CLCN5: variants seen among roughly 807,000 people sequenced by gnomAD.
CLCN5 encodes Cl-/H+ antiporter 5, also known as H(+)/Cl(-) exchange transporter 5.
CLCN5 carries 17 observed loss-of-function variants against 54.0 expected under a neutral mutation model. The observed-to-expected ratio is 0.31, with a 90% confidence interval of 0.22 to 0.47. The LOEUF is 0.47. Ranked by LOEUF, CLCN5 falls within the 20% of genes least tolerant of loss-of-function variation. The probability of loss-of-function intolerance (pLI) is 1.00; values close to 1 mark genes in which losing one functional copy is unlikely to be tolerated. For synonymous variants in CLCN5, 222 were observed against 233.0 expected (o/e 0.95, Z 0.43); for missense variants, 448 against 646.7 (o/e 0.69, Z 3.33).
chrX:49,962,968 G>T (rs1927675899), intron 3 of CLCN5, among the ~76,000 whole-genome samples: 1 of 111,772 alleles, frequency 8.9e-6, no homozygotes, highest in Admixed American at 9.5e-5. Flanking sequence ...ATACATGGTG[G>T]TAAAAGGGGT....
chrX:49,949,919 G>C (rs1926953618), intron 3 of CLCN5, among the ~76,000 whole-genome samples: 1 of 111,904 alleles, frequency 8.9e-6, no homozygotes. Context: ...AAAATTGAAT[G>C]ATCTTAGGTG....
intron 3 of CLCN5, among the ~76,000 whole-genome samples, chrX:50,030,775 A>T (rs782088112): frequency 1.8e-5 from 2 of 112,478 alleles, no homozygotes; most frequent in African/African-American, 6.4e-5. Context: ...TGGATTTAAA[A>T]TTTTTATCTG....
At chrX:50,081,974 G>C (rs955123934) in intron 9 of CLCN5, 127 bp downstream of exon 9, 15 of 592,677 alleles carry the variant, frequency 2.5e-5, no homozygotes, top group Admixed American at 8.2e-5. Flanking sequence ...AATTCCACTT[G>C]TAGGAATTTA....
chrX:49,990,856 C>T (rs1254892359), intron 3 of CLCN5, among the ~76,000 whole-genome samples: 1 of 112,401 alleles, frequency 8.9e-6, no homozygotes, highest in Non-Finnish European at 1.9e-5. Flanking sequence ...TCTCCAACTC[C>T]ATCCAAGTTG....
chrX:50,010,895 CT>C (rs1368607852), intron 3 of CLCN5: 1 of 96,022 alleles, frequency 1.0e-5, no homozygotes, highest in Non-Finnish European at 2.0e-5. Flanking sequence ...GGTTCCCTAC[CT>C]TCATGGAGTG....
intron 4 of CLCN5, chrX:50,067,800 C>T: frequency 1.1e-5 from 7 of 650,888 alleles, no homozygotes; most frequent in Non-Finnish European, 1.3e-5. Context: ...GAAGCATGCC[C>T]CCCGGGAGCA....
At chrX:50,064,650 G>GA (rs1214586855) in intron 4 of CLCN5, among the ~76,000 whole-genome samples, 2 of 100,124 alleles carry the variant, frequency 2.0e-5, no homozygotes, top group Non-Finnish European at 4.0e-5. Flanking sequence ...CACAGAATTG[G>GA]AAAAAACTAC....
intron 3 of CLCN5, among the ~76,000 whole-genome samples, chrX:49,952,085 G>A (rs1557173090): frequency 8.9e-6 from 1 of 112,113 alleles, no homozygotes; most frequent in African/African-American, 3.2e-5. Flanking sequence ...TAGTTAAAAT[G>A]GCCCCATCTT....
At chrX:50,066,237 A>C (rs1933016367) in intron 4 of CLCN5, among the ~76,000 whole-genome samples, 1 of 106,113 alleles carries the variant, frequency 9.4e-6, no homozygotes, top group Non-Finnish European at 2.0e-5. Flanking sequence ...GTTGGGCCAC[A>C]AATGGCTTTT....
intron 3 of CLCN5, among the ~76,000 whole-genome samples, chrX:49,969,724 A>T (rs1557175972): frequency 8.9e-6 from 1 of 112,241 alleles, no homozygotes; most frequent in Non-Finnish European, 1.9e-5. Flanking sequence ...TGCACTTGAA[A>T]GTAACGTGGC....
chrX:50,009,426 C>T, intron 3 of CLCN5, among the ~76,000 whole-genome samples: 1 of 111,689 alleles, frequency 9.0e-6, no homozygotes, highest in Non-Finnish European at 1.9e-5. Context: ...ACATGTGTGC[C>T]CACATACAGT....
Position 49,940,279 on chromosome X carries a change from C to CGAA in CLCN5, c.16+14968_16+14970dup, listed in dbSNP as rs1569536822. ...TCATTTGGTCAATAAAGGGTTGTTACGAAGAGTTAATGAGACAATGTATAT... is the reference window on the plus strand; with the variant it reads ...TCATTTGGTCAATAAAGGGTTGTTACGAAGAAGAGTTAATGAGACAATGTATAT... On this transcript the variant is annotated intron_variant, in intron 3 of 14. Coordinates refer to ENST00000376091, the MANE Select transcript of CLCN5 (RefSeq NM_001127898.4). Among the ~76,000 whole-genome samples, 3 of 111,983 alleles carry CGAA rather than the reference C, an allele frequency of 2.7e-5. No homozygotes were observed. In the East Asian group the frequency reaches 8.4e-4, roughly 31 times the overall value.
At chrX:50,040,670 A>C (rs898940491) in intron 3 of CLCN5, among the ~76,000 whole-genome samples, 2 of 112,062 alleles carry the variant, frequency 1.8e-5, no homozygotes, top group Non-Finnish European at 3.8e-5. Flanking sequence ...ACATTTATAT[A>C]GGAAATTTCC....
At chrX:49,948,474 T>C (rs1926874093) in intron 3 of CLCN5, among the ~76,000 whole-genome samples, 1 of 111,815 alleles carries the variant, frequency 8.9e-6, no homozygotes, top group South Asian at 3.7e-4. Context: ...CTGTGGTTCT[T>C]TCATGTCTTA....
intron 4 of CLCN5, among the ~76,000 whole-genome samples, chrX:50,066,667 A>G (rs1933034855): frequency 8.9e-6 from 1 of 111,865 alleles, no homozygotes; most frequent in Admixed American, 9.5e-5. Context: ...TAGCCTTCAC[A>G]ACCCTTTAAA....
In CLCN5 at chrX:49,923,487, G is replaced by A. The variant is rs1428257123; in HGVS notation, c.-129+5G>A. The A allele has an allele frequency of 8.9e-6, 1 of 112,468 alleles. No homozygotes were observed. The highest frequency in any genetic ancestry group is 1.9e-5 in the Non-Finnish European group (1 of 53,327). 9.3% of individuals were successfully genotyped at this position (112,468 alleles called of 1,213,427 possible). A position where few individuals can be genotyped will look rare whatever the true frequency, so the allele number is the denominator to read the frequency against. On this transcript the variant is annotated splice_donor_5th_base_variant and intron_variant, in intron 2 of 14. Transcript: ENST00000376091. Reference sequence around the variant, plus strand: ...CGTCAGTGGAAGCTGCCCCGAGTAAGTGAGGGAAATCTAGAAGTTTGGAGC... The same window carrying A: ...CGTCAGTGGAAGCTGCCCCGAGTAAATGAGGGAAATCTAGAAGTTTGGAGC...
intron 9 of CLCN5, among the ~76,000 whole-genome samples, chrX:50,084,165 A>G (rs912666748): frequency 7.1e-5 from 8 of 112,062 alleles, no homozygotes; most frequent in East Asian, 5.6e-4. Flanking sequence ...GATATAGCCT[A>G]TGGCTCCTAG....
At chrX:49,932,498 G>GGA (rs1160917810) in intron 3 of CLCN5, among the ~76,000 whole-genome samples, 1 of 112,016 alleles carries the variant, frequency 8.9e-6, no homozygotes, top group Non-Finnish European at 1.9e-5. Flanking sequence ...ACAAGTACCT[G>GGA]GCAGCAAGGA....
At chrX:50,025,732 C>T (rs952906924) in intron 3 of CLCN5, among the ~76,000 whole-genome samples, 1 of 110,795 alleles carries the variant, frequency 9.0e-6, no homozygotes, top group Non-Finnish European at 1.9e-5. Context: ...TTTCCTTTTC[C>T]CCTCCTGAGT....
Sources: allele counts gnomAD v4.1 joint callset (sites outside exome capture counted in the v4.1 genomes callset), GRCh38; gene constraint gnomAD v4.1.1; transcripts MANE v1.5; gene names NCBI Gene and HGNC (gene_info 2026-07-23, HGNC 2026-07-21).